GSE1: variants seen among roughly 807,000 people sequenced by gnomAD.
GSE1 encodes the protein Gse1 coiled-coil protein.
GSE1 carries 32 observed loss-of-function variants against 112.6 expected under a neutral mutation model. The ratio of observed to expected loss-of-function variants is 0.28; its 90% confidence interval spans 0.21 to 0.38. The LOEUF (loss-of-function observed/expected upper bound fraction) is 0.38, where lower values mean the gene tolerates loss of function less well. GSE1 is among the 10% of genes least tolerant of loss of function. GSE1 has a pLI of 1.00. For synonymous variants in GSE1, 1,115 were observed against 735.6 expected (o/e 1.52, Z -8.35); for missense variants, 2,348 against 1,699.2 (o/e 1.38, Z -6.71).
chr16:85,329,913 G>A (rs1055047468), intron 1 of GSE1, among the ~76,000 whole-genome samples: 5 of 131,886 alleles, frequency 3.8e-5, no homozygotes, highest in Admixed American at 7.8e-5. Context: ...GGGCTAGGGG[G>A]ATGCAGGGGG....
At chr16:85,439,448 G>C (rs188197529) in intron 2 of GSE1, among the ~76,000 whole-genome samples, 243 of 152,336 alleles carry the variant, frequency 1.6e-3, no homozygotes, top group African/African-American at 5.7e-3. Context: ...CGAGCAGGAG[G>C]GGGAGAGACA....
intron 2 of GSE1, among the ~76,000 whole-genome samples, chr16:85,529,834 A>G (rs1282565746): frequency 6.6e-6 from 1 of 152,222 alleles, no homozygotes; most frequent in Non-Finnish European, 1.5e-5. Flanking sequence ...CAGGACCCAG[A>G]ATGCTAGGCA....
intron 2 of GSE1, among the ~76,000 whole-genome samples, chr16:85,365,131 G>C (rs1013234419): frequency 6.6e-6 from 1 of 152,200 alleles, no homozygotes; most frequent in Non-Finnish European, 1.5e-5. Context: ...GGAGAGAGGA[G>C]CCACCCACCC....
chr16:85,626,455 T>TG (rs1045871641), intron 1 of GSE1, among the ~76,000 whole-genome samples: 11 of 152,314 alleles, frequency 7.2e-5, no homozygotes, highest in Middle Eastern at 3.4e-3. Context: ...GTCCCCGAGC[T>TG]GGGGGACGCC....
intron 1 of GSE1, among the ~76,000 whole-genome samples, chr16:85,352,977 C>A (rs943659962): frequency 3.9e-5 from 6 of 152,212 alleles, no homozygotes; most frequent in Non-Finnish European, 2.9e-5. Context: ...AGGCACTGTT[C>A]TAGAACTTTA....
intron 1 of GSE1, among the ~76,000 whole-genome samples, chr16:85,288,250 A>G (rs988070145): frequency 6.6e-6 from 1 of 152,130 alleles, no homozygotes; most frequent in African/African-American, 2.4e-5. Flanking sequence ...AAAAAAAAAG[A>G]AAAGAAAAGA....
chr16:85,627,168 C>CGGGGGGT (rs1402516851), intron 1 of GSE1, among the ~76,000 whole-genome samples: 1 of 95,312 alleles, frequency 1.0e-5, no homozygotes, highest in Non-Finnish European at 1.9e-5. Flanking sequence ...TTACGGGGGG[C>CGGGGGGT]GGGGGGTGGG....
chr16:85,201,405 C>A (rs1327537803), intron 1 of GSE1, among the ~76,000 whole-genome samples: 1 of 151,058 alleles, frequency 6.6e-6, no homozygotes, highest in East Asian at 1.9e-4. Flanking sequence ...CTCCTGTAAT[C>A]CCAGCACTTT....
intron 1 of GSE1, among the ~76,000 whole-genome samples, chr16:85,175,977 C>T (rs1195105372): frequency 6.6e-6 from 1 of 152,128 alleles, no homozygotes; most frequent in African/African-American, 2.4e-5. Flanking sequence ...CTTGGTCTTG[C>T]CTTTTTGTTT....
intron 1 of GSE1, among the ~76,000 whole-genome samples, chr16:85,191,367 A>G (rs1348290956): frequency 6.6e-6 from 1 of 152,230 alleles, no homozygotes; most frequent in Non-Finnish European, 1.5e-5. Context: ...TTTTTAGTAT[A>G]TTCACAAAAT....
intron 2 of GSE1, among the ~76,000 whole-genome samples, chr16:85,460,035 AG>A (rs2049930241): frequency 6.6e-6 from 1 of 152,156 alleles, no homozygotes; most frequent in Non-Finnish European, 1.5e-5. Flanking sequence ...ATGAGCCCCC[AG>A]GGCCCCGCAG....
chr16:85,249,797 G>A (rs1418103992), intron 1 of GSE1, among the ~76,000 whole-genome samples: 1 of 152,240 alleles, frequency 6.6e-6, no homozygotes, highest in Non-Finnish European at 1.5e-5. Context: ...AGTGGCACAG[G>A]GTCAGGCCGC....
At chr16:85,579,456 A>G (rs571114913) in intron 1 of GSE1, among the ~76,000 whole-genome samples, 1 of 152,324 alleles carries the variant, frequency 6.6e-6, no homozygotes, top group African/African-American at 2.4e-5. Flanking sequence ...GTCTTAATGT[A>G]TGATAATCCG....
At chr16:85,614,640 G>A (rs1598389167) in intron 1 of GSE1, among the ~76,000 whole-genome samples, 1 of 152,230 alleles carries the variant, frequency 6.6e-6, no homozygotes, top group Non-Finnish European at 1.5e-5. Context: ...GCGTGCTGGC[G>A]GTGGGGGAGC....
At chr16:85,359,905 G>A (rs879651956) in intron 2 of GSE1, among the ~76,000 whole-genome samples, 17 of 152,250 alleles carry the variant, frequency 1.1e-4, no homozygotes, top group African/African-American at 3.9e-4. Context: ...ATGGTGGCAC[G>A]CACCTGTGGT....
Position 85,317,073 on chromosome 16 carries a change from A to G in GSE1, c.2284-40390A>G, listed in dbSNP as rs111276449. ...TCCCTCCCGTAAAAGTCTCTGCTCCATCTTGCCATGTGTCTATTTAACCAT... is the reference window on the plus strand; with the variant it reads ...TCCCTCCCGTAAAAGTCTCTGCTCCGTCTTGCCATGTGTCTATTTAACCAT... On this transcript the variant is annotated intron_variant, in intron 1 of 2. Coordinates refer to the GSE1 transcript ENST00000637419. Among the ~76,000 whole-genome samples the G allele has an allele frequency of 2.0e-4, 31 of 152,288 alleles. No homozygotes were observed. In the East Asian group the frequency reaches 5.6e-3, roughly 28 times the overall value.
intron 1 of GSE1, among the ~76,000 whole-genome samples, chr16:85,201,469 C>T (rs1208473335): frequency 6.6e-6 from 1 of 151,688 alleles, no homozygotes; most frequent in Admixed American, 6.6e-5. Context: ...ACCAGCCTGA[C>T]CAACGTGGTG....
intron 1 of GSE1, among the ~76,000 whole-genome samples, chr16:85,565,423 A>AAC (rs34832164): frequency 7.3e-5 from 11 of 151,070 alleles, no homozygotes; most frequent in African/African-American, 2.7e-4. Flanking sequence ...AAACAAAAAA[A>AAC]CCACCAACCA....
At chr16:85,613,466 A>C in intron 1 of GSE1, 68 bp downstream of exon 1, 2 of 1,394,202 alleles carry the variant, frequency 1.4e-6, no homozygotes, top group Non-Finnish European at 1.9e-6. Context: ...TCCTCCTGCA[A>C]GTTCGCGGGT....
Sources: allele counts gnomAD v4.1 joint callset (sites outside exome capture counted in the v4.1 genomes callset), GRCh38; gene constraint gnomAD v4.1.1; transcripts MANE v1.5; gene names NCBI Gene and HGNC (gene_info 2026-07-23, HGNC 2026-07-21).